Variants in TPPP2 observed in about 807,000 individuals in gnomAD.
The protein encoded by TPPP2 is tubulin polymerization-promoting protein family member 2.
TPPP2 carries 8 observed loss-of-function variants against 13.0 expected under a neutral mutation model. The ratio of observed to expected loss-of-function variants is 0.62; its 90% CI spans 0.36 to 1.11. The LOEUF is 1.11. Among genes scored for constraint, TPPP2 ranks in the 50% most tolerant of loss-of-function variants. The pLI, the probability that TPPP2 is intolerant of heterozygous loss-of-function variation, is 0.02. For synonymous variants in TPPP2, 81 were observed against 81.8 expected (o/e 0.99, Z 0.05); for missense variants, 213 against 216.9 (o/e 0.98, Z 0.11).
At chr14:21,027,674 ATAT>A (rs1883788862), upstream of TPPP2, among the ~76,000 whole-genome samples, 1 of 152,230 alleles carries the variant, frequency 6.6e-6, no homozygotes, top group Non-Finnish European at 1.5e-5. Flanking sequence ...CATGCAAGGC[ATAT>A]TATTTACTCA....
chr14:21,031,114 G>A lies in TPPP2; in HGVS notation c.276G>A (p.Glu92=), dbSNP rs1004434082. Residue 92 remains glutamate (E), a synonymous_variant, in exon 3 of 4, where the codon GAG becomes GAA. Coordinates refer to ENST00000321760, the MANE Select transcript of TPPP2 (RefSeq NM_173846.5). ...GGAAGAGTCCAGATGAAGTCCTGGA[G>A]AACATTTATGGACTCATGGAGGGCA... is the stretch of plus-strand genomic sequence containing the variant. ...FKGKSPDEVL[E]NIYGLMEGKD... 5.0e-6 allele frequency: 8 copies of A among 1,614,060 alleles called. No homozygotes were observed. In the African/African-American group the frequency reaches 9.3e-5, roughly 19 times the overall value.
chr14:21,034,357 C>T (rs1884474369), downstream of TPPP2: 3 of 1,107,904 alleles, frequency 2.7e-6, no homozygotes, highest in Non-Finnish European at 4.0e-6. Flanking sequence ...TGCCACATCC[C>T]AGAGCCTCCA....
rs1346625555 is a variant in TPPP2 at position 21,025,004 on chromosome 14, G to GC, written n.236+664dup. The GC allele has an allele frequency of 5.1e-6, 5 of 985,764 alleles. No individual in the cohort carries two copies. Among genetic ancestry groups the GC allele is most frequent in the Non-Finnish European group, 6.0e-6 (5 of 830,370 alleles). 61.1% of individuals were successfully genotyped at this position (985,764 alleles called of 1,614,324 possible). On this transcript the variant is annotated intron_variant and non_coding_transcript_variant, in intron 1 of 1. Coordinates refer to the TPPP2 transcript ENST00000533755. This position sits in a 1 kb window ranked among gnomAD's most constrained non-coding sequence, Gnocchi z 5.1. Reference sequence around the variant, plus strand: ...CGGCTGGCGCCTTCCAGGCCCTACGGCCCCTCGCCTGCCCCTCCCCCTACC... The same window carrying GC: ...CGGCTGGCGCCTTCCAGGCCCTACGGCCCCCTCGCCTGCCCCTCCCCCTACC...
At chr14:21,027,901 G>C (rs986135703), upstream of TPPP2, among the ~76,000 whole-genome samples, 13 of 152,240 alleles carry the variant, frequency 8.5e-5, no homozygotes, top group African/African-American at 3.1e-4. Flanking sequence ...TCCAGGCACA[G>C]AGAGAGCATG....
downstream of TPPP2, chr14:21,036,257 T>C (rs1385238014): frequency 2.2e-6 from 1 of 456,258 alleles, no homozygotes; most frequent in Admixed American, 2.3e-5. Context: ...CTCAAATATA[T>C]CTCTTATACA....
rs540427971 is a variant in TPPP2, at chr14:21,032,720, G to A, written c.*643G>A. 1.9e-5 allele frequency: 7 copies of A among 362,850 alleles called. No individual in the cohort carries two copies. The highest frequency in any genetic ancestry group is 1.0e-4 in the South Asian group (5 of 47,856). The allele number at this position is 362,850 out of a possible 1,614,324, so 22.5% of individuals were successfully genotyped here. Reference sequence around the variant, plus strand: ...AAGAGCTTACTGACTGCTAAGGGTAGCTCAGGAAGATGGCCAGATGAGGCA... The same window carrying A: ...AAGAGCTTACTGACTGCTAAGGGTAACTCAGGAAGATGGCCAGATGAGGCA... On this transcript the variant is annotated 3_prime_UTR_variant, in exon 4 of 4. Coordinates refer to ENST00000321760, the MANE Select transcript of TPPP2 (RefSeq NM_173846.5).
chr14:21,027,990 C>A (rs1594469431), upstream of TPPP2, among the ~76,000 whole-genome samples: 1 of 152,146 alleles, frequency 6.6e-6, no homozygotes, highest in South Asian at 2.1e-4. Context: ...TCCCCTAATA[C>A]CGTAAGGTTA....
At chr14:21,033,020 T>G (rs904744913), downstream of TPPP2, 21 of 453,864 alleles carry the variant, frequency 4.6e-5, no homozygotes, top group African/African-American at 3.4e-4. Context: ...GACTCTGGAG[T>G]CTGGGGGATT....
downstream of TPPP2, chr14:21,036,143 C>G (rs1408803177): frequency 2.2e-6 from 1 of 455,370 alleles, no homozygotes; most frequent in East Asian, 6.9e-5. Flanking sequence ...CCCTGACAAT[C>G]TTAAACTTTT....
At chr14:21,024,803 G>A (rs927049740) in intron 1 of TPPP2, 2 of 985,502 alleles carry the variant, frequency 2.0e-6, no homozygotes, top group African/African-American at 3.5e-5. Context: ...ACCCTTGCGT[G>A]GCCGGTGCCA....
At chr14:21,034,354 T>C (rs1594485335), downstream of TPPP2, 6 of 1,143,398 alleles carry the variant, frequency 5.2e-6, no homozygotes, top group Non-Finnish European at 3.8e-6. Flanking sequence ...GTCTGCCACA[T>C]CCCAGAGCCT....
Position 21,025,044 on chromosome 14 carries a change from C to G in TPPP2, n.236+700C>G. The G allele has an allele frequency of 1.0e-6, 1 of 986,122 alleles. No individual in the cohort carries two copies. The highest frequency in any genetic ancestry group is 1.2e-6 in the Non-Finnish European group (1 of 830,524). 61.1% of individuals were successfully genotyped at this position (986,122 alleles called of 1,614,324 possible). A position where few individuals can be genotyped will look rare whatever the true frequency, so the allele number is the denominator to read the frequency against. ...CTCCCCCTACCTGCTGCCGCCGCGG[C>G]CGCTTCCACCTTCACTTGCCTTTGA... On this transcript the variant is annotated intron_variant and non_coding_transcript_variant, in intron 1 of 1. Transcript: ENST00000533755. The surrounding 1 kb of genome is among the most constrained non-coding windows in gnomAD (Gnocchi z 5.1).
At chr14:21,025,397 G>T, upstream of TPPP2, 1 of 985,616 alleles carries the variant, frequency 1.0e-6, no homozygotes, top group Non-Finnish European at 1.2e-6. The surrounding 1 kb of genome is among the most constrained non-coding windows in gnomAD (Gnocchi z 5.1). Flanking sequence ...CCACGACCTG[G>T]ATCTGCAATT....
downstream of TPPP2, chr14:21,033,960 G>A (rs774419472): frequency 4.3e-5 from 69 of 1,614,054 alleles, 1 homozygote; most frequent in East Asian, 6.5e-4. Context: ...GGAGCAGACC[G>A]TGATGGGGAG....
chr14:21,025,173 A>G lies in TPPP2; in HGVS notation n.236+829A>G. ...CGCAGACCCGCCCCAGACCCCCAGTAAACACGCCCCCCCTTTCACCCCGCC... is the reference window on the plus strand; with the variant it reads ...CGCAGACCCGCCCCAGACCCCCAGTGAACACGCCCCCCCTTTCACCCCGCC... On this transcript the variant is annotated intron_variant and non_coding_transcript_variant, in intron 1 of 1. Coordinates refer to the TPPP2 transcript ENST00000533755. The surrounding 1 kb of genome is among the most constrained non-coding windows in gnomAD (Gnocchi z 5.1). The G allele has an allele frequency of 1.1e-6, 1 of 916,660 alleles. No individual in the cohort carries two copies. The highest frequency in any genetic ancestry group is 1.3e-6 in the Non-Finnish European group (1 of 767,146). The allele number at this position is 916,660 out of a possible 1,614,324, so 56.8% of individuals were successfully genotyped here.
In TPPP2 at chr14:21,030,390, A is replaced by G. The variant is rs918906033; in HGVS notation, c.-70+86A>G. 166 of 603,162 alleles carry G rather than the reference A, an allele frequency of 2.8e-4. 2 individuals carry two copies. The highest frequency in any genetic ancestry group is 5.9e-4 in the Admixed American group (20 of 33,730). 37.4% of individuals were successfully genotyped at this position (603,162 alleles called of 1,614,324 possible). A position where few individuals can be genotyped will look rare whatever the true frequency, so the allele number is the denominator to read the frequency against. ...CTCCAATGCTGGGAATGGGAGACTCATGCTGTAGTTGCGTAGGTGCAATGG... is the reference window on the plus strand; with the variant it reads ...CTCCAATGCTGGGAATGGGAGACTCGTGCTGTAGTTGCGTAGGTGCAATGG... On this transcript the variant is annotated intron_variant, in intron 1 of 3. Coordinates refer to ENST00000321760, the MANE Select transcript of TPPP2 (RefSeq NM_173846.5).
At chr14:21,033,433 G>C, downstream of TPPP2, 1 of 296,738 alleles carries the variant, frequency 3.4e-6, no homozygotes, top group East Asian at 8.7e-5. Context: ...GGATGGGGAG[G>C]TGAGACTCGG....
chr14:21,034,253 C>A, downstream of TPPP2: 1 of 1,613,674 alleles, frequency 6.2e-7, no homozygotes, highest in Non-Finnish European at 8.5e-7. Flanking sequence ...CCAGAACAAG[C>A]TGGAGGAAAA....
chr14:21,029,075 A>G (rs953583925), upstream of TPPP2: 2 of 152,178 alleles, frequency 1.3e-5, no homozygotes, highest in Admixed American at 6.5e-5. Flanking sequence ...CCCTCAGTCT[A>G]TCCCAGTTTT....
Sources: allele counts gnomAD v4.1 joint callset (sites outside exome capture counted in the v4.1 genomes callset), GRCh38; gene constraint gnomAD v4.1.1; non-coding constraint Gnocchi (gnomAD v3.1); transcripts MANE v1.5; gene names NCBI Gene and HGNC (gene_info 2026-07-23, HGNC 2026-07-21).